The following VAV2 variants were observed in gnomAD, a reference collection of about 807,000 sequenced individuals.
VAV2 encodes the protein vav guanine nucleotide exchange factor 2.
VAV2 carries 67 observed loss-of-function variants against 132.5 expected under a neutral mutation model. The observed-to-expected ratio is 0.51, with a 90% confidence interval of 0.42 to 0.62. VAV2 has a LOEUF of 0.62. VAV2 is among the 20% of genes least tolerant of loss of function. VAV2 has a pLI of 0.00. For missense variants in VAV2, 938 were observed against 1,153.6 expected (o/e 0.81, Z 2.71); for synonymous variants, 492 against 443.5 (o/e 1.11, Z -1.37).
At chr9:133,842,891 A>G (rs1007568063) in intron 3 of VAV2, among the ~76,000 whole-genome samples, 4 of 152,240 alleles carry the variant, frequency 2.6e-5, no homozygotes, top group African/African-American at 9.6e-5. Flanking sequence ...GAAAGGCACC[A>G]TCAGGAAGCG....
Position 133,842,743 on chromosome 9 carries a change from C to T in VAV2, c.381-8403G>A, listed in dbSNP as rs149389242. Among the ~76,000 whole-genome samples the T allele has an allele frequency of 6.6e-3, 998 of 152,244 alleles. 8 individuals are homozygous for T. Among genetic ancestry groups the T allele is most frequent in the African/African-American group, 0.023 (940 of 41,542 alleles). On this transcript the variant is annotated intron_variant, in intron 3 of 29. Transcript: ENST00000371850. ...CAGGTGCAGTGGCATCTCACCCAGG[C>T]GGAGGCCATAGTGAGGAGAAAGAGA...
chr9:133,942,185 G>A (rs539280671), intron 1 of VAV2, among the ~76,000 whole-genome samples: 1 of 152,382 alleles, frequency 6.6e-6, no homozygotes, highest in East Asian at 1.9e-4. Flanking sequence ...AAGAGACACA[G>A]AGAGACATGG....
intron 3 of VAV2, among the ~76,000 whole-genome samples, chr9:133,851,859 GGATA>G (rs1343243352): frequency 2.0e-5 from 3 of 150,414 alleles, no homozygotes; most frequent in African/African-American, 7.4e-5. Context: ...ATGGATGGAT[GGATA>G]GGTGGGTGAA....
chr9:133,843,964 G>A (rs1836829182), intron 3 of VAV2, among the ~76,000 whole-genome samples: 1 of 152,180 alleles, frequency 6.6e-6, no homozygotes, highest in Admixed American at 6.5e-5. Context: ...AGGTGGGGGT[G>A]TGGCCAGCTC....
chr9:133,931,693 G>A (rs1260074344), intron 2 of VAV2, among the ~76,000 whole-genome samples: 3 of 152,292 alleles, frequency 2.0e-5, no homozygotes, highest in East Asian at 1.9e-4. Flanking sequence ...CCTGTGACCC[G>A]GTGCCCAGGA....
intron 19 of VAV2, 98 bp downstream of exon 19, chr9:133,783,405 G>T (rs573172024): frequency 2.5e-6 from 3 of 1,211,932 alleles, no homozygotes; most frequent in African/African-American, 1.5e-5. Flanking sequence ...TCGCTGCCCC[G>T]TGGGAGATGG....
At chr9:133,774,914 G>A (rs201686393) in intron 25 of VAV2, 21 bp downstream of exon 25, 221 of 1,602,500 alleles carry the variant, frequency 1.4e-4, no homozygotes, top group Middle Eastern at 8.3e-4. Context: ...GGGTCTCCTC[G>A]AGCCCAGAGC....
At chr9:133,859,464 A>G (rs1588278439) in intron 3 of VAV2, among the ~76,000 whole-genome samples, 1 of 152,218 alleles carries the variant, frequency 6.6e-6, no homozygotes, top group Admixed American at 6.5e-5. Context: ...GAACAGAATC[A>G]GGTCACTCGT....
At chr9:133,987,255 G>A (rs750234268) in intron 1 of VAV2, among the ~76,000 whole-genome samples, 9 of 152,080 alleles carry the variant, frequency 5.9e-5, no homozygotes, top group African/African-American at 1.4e-4. Flanking sequence ...CAAGGGTATC[G>A]TGTGATGAAA....
intron 3 of VAV2, among the ~76,000 whole-genome samples, chr9:133,841,515 C>T (rs1204353183): frequency 1.3e-5 from 2 of 152,136 alleles, no homozygotes; most frequent in African/African-American, 4.8e-5. Context: ...AGTGAATCCA[C>T]CCAGCAGGTA....
intron 4 of VAV2, among the ~76,000 whole-genome samples, chr9:133,819,723 T>C (rs772297637): frequency 3.4e-4 from 51 of 152,182 alleles, no homozygotes; most frequent in Non-Finnish European, 5.4e-4. Context: ...CACTTTTCAT[T>C]CGTCCAAAGC....
chr9:133,991,938 G>GC lies in VAV2; in HGVS notation c.204+136dup. ...GAGGCCCGGGGCGCACCCTCCAGCCGCCCGCCCGCGTCCCGGAGCCCGGCC... is the reference window on the plus strand; with the variant it reads ...GAGGCCCGGGGCGCACCCTCCAGCCGCCCCGCCCGCGTCCCGGAGCCCGGCC... On this transcript the variant is annotated intron_variant, in intron 1 of 29. Transcript: ENST00000371850. This position sits in a 1 kb window ranked among gnomAD's most constrained non-coding sequence, Gnocchi z 4.8. 1 of 670,986 alleles carries GC rather than the reference G, an allele frequency of 1.5e-6. No homozygotes were observed. Among genetic ancestry groups the GC allele is most frequent in the Non-Finnish European group, 1.9e-6 (1 of 523,960 alleles). 41.6% of individuals were successfully genotyped at this position (670,986 alleles called of 1,614,324 possible).
chr9:133,982,695 C>T (rs923507165), intron 1 of VAV2, among the ~76,000 whole-genome samples: 1 of 152,176 alleles, frequency 6.6e-6, no homozygotes, highest in African/African-American at 2.4e-5. Context: ...GCCCCACTGC[C>T]TGGTTTCATA....
chr9:133,872,449 G>A (rs1261703338), intron 2 of VAV2, among the ~76,000 whole-genome samples: 2 of 152,146 alleles, frequency 1.3e-5, no homozygotes, highest in African/African-American at 2.4e-5. Context: ...TTTCCCCACT[G>A]CAGTCAGCTA....
chr9:133,832,851 T>G (rs1236931089), intron 4 of VAV2, among the ~76,000 whole-genome samples: 2 of 151,874 alleles, frequency 1.3e-5, no homozygotes, highest in South Asian at 2.1e-4. Flanking sequence ...AGTGAGCAGT[T>G]TTTTTTTGAA....
At chr9:133,805,132 C>A (rs144903329) in intron 9 of VAV2, among the ~76,000 whole-genome samples, 1 of 152,116 alleles carries the variant, frequency 6.6e-6, no homozygotes, top group African/African-American at 2.4e-5. Flanking sequence ...GGCCACCTGG[C>A]GGGTGATGCA....
At chr9:133,773,163 G>C (rs1246758690) in intron 25 of VAV2, among the ~76,000 whole-genome samples, 1 of 151,104 alleles carries the variant, frequency 6.6e-6, no homozygotes, top group East Asian at 1.9e-4. Flanking sequence ...CCCACACCTA[G>C]GCTGGACGGC....
chr9:133,990,232 C>T (rs550041426), intron 1 of VAV2, among the ~76,000 whole-genome samples: 1 of 152,114 alleles, frequency 6.6e-6, no homozygotes, highest in Non-Finnish European at 1.5e-5. Context: ...CAGCAGGGCC[C>T]CTAAACACCC....
At chr9:133,899,200 G>A (rs1263898374) in intron 2 of VAV2, among the ~76,000 whole-genome samples, 2 of 151,728 alleles carry the variant, frequency 1.3e-5, no homozygotes, top group Non-Finnish European at 2.9e-5. Flanking sequence ...CATCACAAAC[G>A]CGGAATAACA....
Sources: allele counts gnomAD v4.1 joint callset (sites outside exome capture counted in the v4.1 genomes callset), GRCh38; gene constraint gnomAD v4.1.1; non-coding constraint Gnocchi (gnomAD v3.1); transcripts MANE v1.5; gene names NCBI Gene and HGNC (gene_info 2026-07-23, HGNC 2026-07-21).